The following DLGAP2 variants were observed in gnomAD, a reference collection of about 807,000 sequenced individuals.
DLGAP2 encodes the protein disks large-associated protein 2.
A neutral mutation model predicts 100.3 loss-of-function variants in DLGAP2; 26 were observed. That is an observed-to-expected ratio of 0.26 (90% confidence interval 0.19 to 0.36). The LOEUF is 0.36. DLGAP2 is among the 10% of genes least tolerant of loss of function. The probability of loss-of-function intolerance (pLI) is 1.00; values close to 1 mark genes in which losing one functional copy is unlikely to be tolerated. For missense variants in DLGAP2, 1,858 were observed against 1,453.2 expected (o/e 1.28, Z -4.53); for synonymous variants, 886 against 630.1 (o/e 1.41, Z -6.08).
At chr8:1,591,276 G>T (rs184658202) in intron 6 of DLGAP2, among the ~76,000 whole-genome samples, 58 of 147,202 alleles carry the variant, frequency 3.9e-4, no homozygotes, top group Non-Finnish European at 7.6e-4. Context: ...AGAGCATGGG[G>T]GTCACTCACA....
intron 1 of DLGAP2, among the ~76,000 whole-genome samples, chr8:813,868 C>G (rs1339437179): frequency 2.6e-5 from 4 of 152,006 alleles, no homozygotes; most frequent in Non-Finnish European, 5.9e-5. Context: ...GTTCTTCTGC[C>G]GAATGTTCTG....
At chr8:935,375 C>T (rs1358202884) in intron 2 of DLGAP2, among the ~76,000 whole-genome samples, 1 of 152,190 alleles carries the variant, frequency 6.6e-6, no homozygotes, top group African/African-American at 2.4e-5. Flanking sequence ...CCATGTAAAG[C>T]ATTTTACATG....
intron 3 of DLGAP2, among the ~76,000 whole-genome samples, chr8:1,274,718 T>G (rs925494328): frequency 8.4e-6 from 1 of 119,056 alleles, no homozygotes; most frequent in Non-Finnish European, 1.9e-5. Context: ...TTTTTTTTTT[T>G]TTTTTTGCCG....
intron 2 of DLGAP2, among the ~76,000 whole-genome samples, chr8:1,071,623 T>G (rs1405740857): frequency 1.3e-5 from 2 of 152,232 alleles, no homozygotes; most frequent in African/African-American, 4.8e-5. Flanking sequence ...TTCCACCTGG[T>G]TCATTTAGTG....
chr8:788,839 T>G (rs1821949515), intron 1 of DLGAP2, among the ~76,000 whole-genome samples: 1 of 152,188 alleles, frequency 6.6e-6, no homozygotes, highest in South Asian at 2.1e-4. Flanking sequence ...CTTTGTGACT[T>G]TTTCCCATGG....
intron 2 of DLGAP2, among the ~76,000 whole-genome samples, chr8:1,071,041 G>C (rs1585032917): frequency 6.6e-6 from 1 of 152,200 alleles, no homozygotes; most frequent in Non-Finnish European, 1.5e-5. Flanking sequence ...GCACCTCACT[G>C]AGCAGAATGA....
At chr8:1,638,099 G>C (rs34483110) in intron 8 of DLGAP2, among the ~76,000 whole-genome samples, 24,844 of 152,166 alleles carry the variant, frequency 0.16, 2,154 homozygotes, top group Middle Eastern at 0.35. Flanking sequence ...GGACATCCAT[G>C]CTGCACCTGT....
chr8:1,367,170 T>C (rs1398182039), intron 3 of DLGAP2, among the ~76,000 whole-genome samples: 2 of 152,122 alleles, frequency 1.3e-5, no homozygotes, highest in Non-Finnish European at 2.9e-5. Context: ...TGAGAAACAG[T>C]TTATCTTAGG....
At chr8:1,202,435 T>G (rs1797899634) in intron 2 of DLGAP2, among the ~76,000 whole-genome samples, 1 of 152,088 alleles carries the variant, frequency 6.6e-6, no homozygotes, top group African/African-American at 2.4e-5. Flanking sequence ...TGTGAGGATG[T>G]GTGGTTTCAG....
At chr8:958,973 G>T (rs1320064067) in intron 2 of DLGAP2, among the ~76,000 whole-genome samples, 1 of 152,194 alleles carries the variant, frequency 6.6e-6, no homozygotes. Flanking sequence ...AAGCATTGAT[G>T]CTGAAGATTA....
At chr8:1,047,130 G>T (rs1802538409) in intron 2 of DLGAP2, among the ~76,000 whole-genome samples, 1 of 152,130 alleles carries the variant, frequency 6.6e-6, no homozygotes, top group Non-Finnish European at 1.5e-5. Context: ...TAACTGGTTG[G>T]CAGTCACTGC....
rs545690901 is a variant in DLGAP2 at position 922,570 on chromosome 8, C to T, written c.73+14604C>T. On this transcript the variant is annotated intron_variant, in intron 2 of 14. Transcript: ENST00000637795. ...AAATTAAAATTATTTCTAAGCAGCA[C>T]CTTATTCTGGGATGGTTTTGTGGGA... 1.4e-4 allele frequency among the ~76,000 whole-genome samples: 22 copies of T among 152,274 alleles called. 2 individuals carry two copies. In the South Asian group the frequency reaches 4.1e-3, roughly 29 times the overall value.
chr8:985,931 G>T (rs35188825), intron 2 of DLGAP2, among the ~76,000 whole-genome samples: 23,299 of 152,044 alleles, frequency 0.15, 2,088 homozygotes, highest in Admixed American at 0.27. Flanking sequence ...CCTCCCTGAA[G>T]ATGCTCTTGG....
chr8:1,683,858 G>A (rs7823254), intron 12 of DLGAP2, among the ~76,000 whole-genome samples: 9,536 of 25,300 alleles, frequency 0.38, 813 homozygotes, highest in African/African-American at 0.42. Context: ...ATATATATAT[G>A]TGTGTGTGTG....
chr8:1,556,460 G>A (rs1801969889), intron 5 of DLGAP2, among the ~76,000 whole-genome samples: 1 of 152,194 alleles, frequency 6.6e-6, no homozygotes, highest in Non-Finnish European at 1.5e-5. Context: ...GCTGGGCGGA[G>A]TCCGGCTCTG....
intron 2 of DLGAP2, among the ~76,000 whole-genome samples, chr8:1,021,356 A>C (rs1432049825): frequency 3.9e-5 from 6 of 152,176 alleles, no homozygotes; most frequent in Non-Finnish European, 7.4e-5. Context: ...TCATTCCCTG[A>C]GGATGAAAAT....
At chr8:928,755 A>G (rs140387667) in intron 2 of DLGAP2, among the ~76,000 whole-genome samples, 1 of 152,200 alleles carries the variant, frequency 6.6e-6, no homozygotes, top group East Asian at 1.9e-4. Flanking sequence ...CGATGCAGGA[A>G]GAACCAGAAG....
At chr8:830,026 A>G (rs1401505179) in intron 1 of DLGAP2, among the ~76,000 whole-genome samples, 1 of 152,228 alleles carries the variant, frequency 6.6e-6, no homozygotes, top group Non-Finnish European at 1.5e-5. Context: ...CTTTGGACTT[A>G]AAATATTTCA....
chr8:785,903 G>A (rs1170063913), intron 1 of DLGAP2, among the ~76,000 whole-genome samples: 2 of 152,102 alleles, frequency 1.3e-5, no homozygotes, highest in South Asian at 4.1e-4. Flanking sequence ...GGCTCCTGCC[G>A]GGCCCCTCCC....
Sources: allele counts gnomAD v4.1 joint callset (sites outside exome capture counted in the v4.1 genomes callset), GRCh38; gene constraint gnomAD v4.1.1; transcripts MANE v1.5; gene names NCBI Gene and HGNC (gene_info 2026-07-23, HGNC 2026-07-21).